Variants in OFD1 observed in about 807,000 individuals in gnomAD.
OFD1 encodes the protein centriole and centriolar satellite protein OFD1.
In OFD1, 12 loss-of-function variants were observed where a neutral mutation model predicts 81.4. That is an observed-to-expected ratio of 0.15 (90% confidence interval 0.09 to 0.24). The LOEUF (loss-of-function observed/expected upper bound fraction) is 0.24, where lower values mean the gene tolerates loss of function less well. Among genes scored for constraint, OFD1 ranks in the 10% least tolerant of loss-of-function variants. The pLI is 1.00. For synonymous variants in OFD1, 256 were observed against 263.7 expected, an observed-to-expected ratio of 0.97 and a Z score of 0.28; for missense variants, 685 against 733.9, an observed-to-expected ratio of 0.93 and a Z score of 0.77.
At chrX:13,751,992 A>G (rs2047521047) in intron 10 of OFD1, among the ~76,000 whole-genome samples, 1 of 112,166 alleles carries the variant, frequency 8.9e-6, no homozygotes, top group African/African-American at 3.2e-5. Context: ...TTGGAATTAT[A>G]ACCACTTTTA....
chrX:13,735,282 A>G lies in OFD1; in HGVS notation c.47A>G (p.Gln16Arg). The G allele has an allele frequency of 8.3e-7, 1 of 1,211,820 alleles. No individual in the cohort carries two copies. Among genetic ancestry groups the G allele is most frequent in the Non-Finnish European group, 1.1e-6 (1 of 895,296 alleles). Reference sequence around the variant, plus strand: ...TTTACCGTGGCTGATGTGTTGAGTCAAGATGAACTGCGCAAAAAGCTATAC... The same window carrying G: ...TTTACCGTGGCTGATGTGTTGAGTCGAGATGAACTGCGCAAAAAGCTATAC... ...NMFTVADVLS[Q>R]DELRKKLYQT... Residue 16 changes from glutamine to arginine, a missense_variant, in exon 2 of 23, where the codon CAA (glutamine) becomes CGA (arginine). Gln to Arg is a conservative substitution (Grantham distance 43, BLOSUM62 1). Transcript: ENST00000340096.
chrX:13,722,789 C>T, the OFD1 span, among the ~76,000 whole-genome samples: 39 of 111,736 alleles, frequency 3.5e-4, no homozygotes, highest in African/African-American at 1.2e-3. Flanking sequence ...GTAGGCCAGG[C>T]GCGGTGGCTC....
At position 13,751,975 on chromosome X, in the gene OFD1, T is replaced by C. The variant is rs952580426; in HGVS notation, c.1055+607T>C. Among the ~76,000 whole-genome samples, 4 of 112,428 alleles carry C rather than the reference T, an allele frequency of 3.6e-5. No homozygotes were observed. The East Asian group carries it at 8.3e-4, about 23-fold the overall frequency. Reference sequence around the variant, plus strand: ...TGCTTAGCTTGCATAGTTGATAAGCTGTAAAATTGGAATTATAACCACTTT... The same window carrying C: ...TGCTTAGCTTGCATAGTTGATAAGCCGTAAAATTGGAATTATAACCACTTT... On this transcript the variant is annotated intron_variant, in intron 10 of 22. Coordinates refer to ENST00000340096, the MANE Select transcript of OFD1 (RefSeq NM_003611.3).
chrX:13,743,838 A>G (rs917284054), intron 5 of OFD1, among the ~76,000 whole-genome samples: 5 of 110,419 alleles, frequency 4.5e-5, no homozygotes, highest in Admixed American at 3.9e-4. Flanking sequence ...AGTCTTGGTT[A>G]TGCCTCCATA....
intron 5 of OFD1, among the ~76,000 whole-genome samples, chrX:13,742,831 G>T (rs1427375544): frequency 9.0e-6 from 1 of 111,373 alleles, no homozygotes; most frequent in Admixed American, 9.5e-5. Context: ...GCCAAAAGAC[G>T]CTGTTAAGAG....
chrX:13,733,918 T>C (rs1459647617), upstream of OFD1: 1 of 465,545 alleles, frequency 2.1e-6, no homozygotes, highest in Non-Finnish European at 3.9e-6. Flanking sequence ...TTAAACTCTT[T>C]ATCCAGTCTA....
intron 5 of OFD1, chrX:13,739,891 C>T: frequency 1.3e-6 from 1 of 754,081 alleles, no homozygotes; most frequent in Non-Finnish European, 1.6e-6. Flanking sequence ...TGAACATAAG[C>T]TGGCAACTTG....
chrX:13,745,295 G>A (rs1409367185), intron 6 of OFD1, among the ~76,000 whole-genome samples: 2 of 112,200 alleles, frequency 1.8e-5, no homozygotes, highest in African/African-American at 6.5e-5. Context: ...AAATTTTCTA[G>A]TAGCCACGTT....
the OFD1 span, among the ~76,000 whole-genome samples, chrX:13,723,853 GTTA>G: frequency 9.0e-6 from 1 of 111,352 alleles, no homozygotes; most frequent in African/African-American, 3.3e-5. Context: ...TTGTGAGTAT[GTTA>G]GGGCCCACGG....
rs182833644 is a variant in OFD1 at position 13,762,570 on chromosome X, C to T, written c.2488+126C>T. On this transcript the variant is annotated intron_variant, in intron 18 of 22. Coordinates refer to ENST00000340096, the MANE Select transcript of OFD1 (RefSeq NM_003611.3). ...ATTGGGTCATTATTATTTTGTGATA[C>T]AACCACAAGTACAGATGTATCACCT... 14 of 470,520 alleles carry T rather than the reference C, an allele frequency of 3.0e-5. No homozygotes were observed. In the Admixed American group the frequency reaches 4.5e-4, roughly 15 times the overall value. 38.8% of individuals were successfully genotyped at this position (470,520 alleles called of 1,213,427 possible).
At chrX:13,739,655 G>A (rs1029406618) in intron 5 of OFD1, 2 of 132,087 alleles carry the variant, frequency 1.5e-5, no homozygotes, top group African/African-American at 6.5e-5. Context: ...GGCTGAGGCA[G>A]GAGAATCGCT....
chrX:13,742,879 G>C (rs149902532), intron 5 of OFD1, among the ~76,000 whole-genome samples: 71 of 111,227 alleles, frequency 6.4e-4, no homozygotes, highest in African/African-American at 1.8e-3. Context: ...AGAGCTTTAC[G>C]TCATCAAGAG....
At chrX:13,714,538 A>G in the OFD1 span, 4 of 815,731 alleles carry the variant, frequency 4.9e-6, no homozygotes, top group Non-Finnish European at 6.9e-6. Flanking sequence ...TGAAGCAAAA[A>G]AGCTGACAAA....
Position 13,736,570 on chromosome X carries a change from C to T in OFD1, c.204C>T (p.Ser68=), listed in dbSNP as rs747860964. 8.3e-7 allele frequency: 1 copy of T among 1,206,715 alleles called. No homozygotes were observed. Among genetic ancestry groups the T allele is most frequent in the African/African-American group, 1.8e-5 (1 of 56,972 alleles). ...GGTCCATTTCAGTAGAAGGGAGCTC[C>T]CTCTTAATAGGCGCCTCTAACTCTT... ...QPRSISVEGS[S]LLIGASNSLV... Residue 68 remains serine (S), a synonymous_variant, in exon 3 of 23, where the codon TCC becomes TCT. Transcript: ENST00000340096.
chrX:13,760,084 A>G (rs2047869249), intron 15 of OFD1, 31 bp from the exon 16 acceptor site: 5 of 1,208,762 alleles, frequency 4.1e-6, no homozygotes, highest in Non-Finnish European at 5.6e-6. Context: ...TTGTCCACTT[A>G]CTTCTGAAAT....
intron 9 of OFD1, 98 bp downstream of exon 9, chrX:13,749,631 A>T: frequency 1.8e-6 from 1 of 569,514 alleles, no homozygotes; most frequent in East Asian, 3.6e-5. Flanking sequence ...TGCCAAGTAG[A>T]GTTCTTATTT....
intron 5 of OFD1, chrX:13,739,854 T>C (rs2047021821): frequency 1.3e-6 from 1 of 751,604 alleles, no homozygotes; most frequent in Non-Finnish European, 1.6e-6. Context: ...AGGCCATTGG[T>C]TAGACTTGAT....
At position 13,769,137 on chromosome X, in the gene OFD1, C is replaced by T. The variant is rs751604698; in HGVS notation, c.*29C>T. 3 of 1,114,781 alleles carry T rather than the reference C, an allele frequency of 2.7e-6. No individual in the cohort carries two copies. The Admixed American group carries it at 6.6e-5, about 24-fold the overall frequency. The allele number at this position is 1,114,781 out of a possible 1,213,427, so 91.9% of individuals were successfully genotyped here. The stretch of plus-strand genomic sequence containing the variant: ...TGTTTGCTGCCCAGCTTCTAACTTA[C>T]ATACCGTGAGAAGTTACGTAACATT... On this transcript the variant is annotated 3_prime_UTR_variant, in exon 23 of 23. Transcript: ENST00000340096.
chrX:13,747,370 G>A (rs1178654260), intron 8 of OFD1, among the ~76,000 whole-genome samples: 1 of 111,637 alleles, frequency 9.0e-6, no homozygotes, highest in East Asian at 2.8e-4. Flanking sequence ...GCCTGGAATT[G>A]AGAGAGGTCA....
Sources: gnomAD v4.1 joint callset for allele counts (sites outside exome capture counted in the v4.1 genomes callset) on GRCh38, gnomAD v4.1.1 for gene constraint, MANE v1.5 for transcripts, NCBI Gene and HGNC (gene_info 2026-07-23, HGNC 2026-07-21) for gene names.